Variants in SCFD2 observed in about 807,000 individuals in gnomAD.
The protein encoded by SCFD2 is sec1 family domain containing 2.
Under a neutral mutation model 58.9 loss-of-function variants are expected in SCFD2, and 54 were observed. The observed-to-expected ratio is 0.92, with a 90% CI of 0.74 to 1.15. The LOEUF is 1.15. SCFD2 is among the 50% of genes most tolerant of loss of function. The pLI is 0.00. For synonymous variants in SCFD2, 321 were observed against 335.9 expected (o/e 0.96, Z 0.49); for missense variants, 805 against 836.6 (o/e 0.96, Z 0.47).
intron 5 of SCFD2, among the ~76,000 whole-genome samples, chr4:53,070,571 A>T (rs189605372): frequency 4.6e-5 from 7 of 152,196 alleles, no homozygotes; most frequent in African/African-American, 1.7e-4. Context: ...TATGATGTGT[A>T]AAGTGATTGA....
chr4:53,323,571 T>G (rs1733090489), intron 2 of SCFD2, among the ~76,000 whole-genome samples: 2 of 139,026 alleles, frequency 1.4e-5, no homozygotes, highest in East Asian at 4.5e-4. Context: ...TTTGCGGAGA[T>G]GAATTTTCAC....
chr4:52,901,915 A>C (rs1342156371), intron 7 of SCFD2, among the ~76,000 whole-genome samples: 1 of 152,206 alleles, frequency 6.6e-6, no homozygotes, highest in Non-Finnish European at 1.5e-5. Context: ...TCTTACATAC[A>C]CAGGTATTTT....
chr4:53,126,981 G>C (rs1161444077), intron 5 of SCFD2, among the ~76,000 whole-genome samples: 2 of 152,080 alleles, frequency 1.3e-5, no homozygotes, highest in Non-Finnish European at 2.9e-5. Flanking sequence ...CGGAAAACAA[G>C]ATGTGGGGAC....
At chr4:53,266,974 G>C (rs1303116508) in intron 4 of SCFD2, among the ~76,000 whole-genome samples, 1 of 152,182 alleles carries the variant, frequency 6.6e-6, no homozygotes, top group Non-Finnish European at 1.5e-5. Context: ...AGGAGTGTAA[G>C]TCCAACACAA....
chr4:53,231,922 G>A (rs1729452541), intron 4 of SCFD2, among the ~76,000 whole-genome samples: 1 of 151,972 alleles, frequency 6.6e-6, no homozygotes, highest in Middle Eastern at 3.2e-3. Context: ...ACACCTTGAT[G>A]TACTCTACAT....
rs564020604 is a variant in SCFD2 at position 52,965,610 on chromosome 4, T to C, written c.1562-44740A>G. ...CAGAGGGTGTGGAGCAGAGCACCCA[T>C]GGAGGCTGTGCGTTGCCCACTTCTG... is the stretch of plus-strand genomic sequence containing the variant. On this transcript the variant is annotated intron_variant, in intron 5 of 8. Transcript: ENST00000401642. Among the ~76,000 whole-genome samples, 130 of 152,352 alleles carry C rather than the reference T, an allele frequency of 8.5e-4. 1 individual carries two copies. The highest frequency in any genetic ancestry group is 3.0e-3 in the African/African-American group (125 of 41,588).
intron 5 of SCFD2, among the ~76,000 whole-genome samples, chr4:52,946,710 G>T (rs796818747): frequency 3.9e-5 from 6 of 152,120 alleles, no homozygotes; most frequent in African/African-American, 1.4e-4. Context: ...AAAGAAATAG[G>T]CTCTCATCTT....
intron 8 of SCFD2, among the ~76,000 whole-genome samples, chr4:52,876,231 T>C (rs542462906): frequency 6.6e-6 from 1 of 152,188 alleles, no homozygotes; most frequent in African/African-American, 2.4e-5. Flanking sequence ...CTTGAGGCAG[T>C]ATGGCAAGGA....
intron 2 of SCFD2, among the ~76,000 whole-genome samples, chr4:53,326,174 G>A (rs987321639): frequency 1.3e-5 from 2 of 151,614 alleles, no homozygotes; most frequent in South Asian, 2.1e-4. Context: ...ACAGGGTCTC[G>A]CTCTGTCACC....
chr4:53,058,270 G>T (rs1236079740), intron 5 of SCFD2, among the ~76,000 whole-genome samples: 1 of 151,734 alleles, frequency 6.6e-6, no homozygotes, highest in Non-Finnish European at 1.5e-5. Context: ...ATGCCTATGA[G>T]TTGGGGAATT....
intron 2 of SCFD2, among the ~76,000 whole-genome samples, chr4:53,315,182 A>T (rs993506279): frequency 1.8e-4 from 27 of 152,118 alleles, no homozygotes; most frequent in South Asian, 1.0e-3. Context: ...AGCAAGTACA[A>T]AGATACATAA....
At chr4:52,952,595 A>T (rs2109531838) in intron 5 of SCFD2, among the ~76,000 whole-genome samples, 1 of 152,316 alleles carries the variant, frequency 6.6e-6, no homozygotes, top group Admixed American at 6.5e-5. Context: ...AGTTAATTTT[A>T]AAATTTTAAT....
intron 2 of SCFD2, among the ~76,000 whole-genome samples, chr4:53,315,529 C>G (rs1191887769): frequency 1.3e-5 from 2 of 152,160 alleles, no homozygotes; most frequent in Non-Finnish European, 2.9e-5. Context: ...TTGAGAAGAA[C>G]AGCATAGCTC....
At chr4:53,163,896 C>G (rs535476241) in intron 4 of SCFD2, among the ~76,000 whole-genome samples, 1 of 152,268 alleles carries the variant, frequency 6.6e-6, no homozygotes, top group East Asian at 1.9e-4. Flanking sequence ...CTGAAGGATA[C>G]TTCATCTTCT....
intron 4 of SCFD2, among the ~76,000 whole-genome samples, chr4:53,174,215 T>A (rs1229176441): frequency 6.6e-6 from 1 of 151,844 alleles, no homozygotes; most frequent in East Asian, 1.9e-4. Flanking sequence ...GTCTAAAACA[T>A]GTTTAATTAG....
At chr4:52,948,944 C>T (rs147359660) in intron 5 of SCFD2, 3 of 159,514 alleles carry the variant, frequency 1.9e-5, no homozygotes, top group Admixed American at 6.3e-5. Context: ...CTTAAGAAGA[C>T]TCCTGCATCA....
At chr4:53,285,031 A>G (rs1731623587) in intron 3 of SCFD2, among the ~76,000 whole-genome samples, 1 of 152,208 alleles carries the variant, frequency 6.6e-6, no homozygotes, top group African/African-American at 2.4e-5. Context: ...ACATGAATCA[A>G]TTCAAATGGG....
At chr4:52,890,186 G>A (rs867531040) in intron 7 of SCFD2, among the ~76,000 whole-genome samples, 1 of 152,172 alleles carries the variant, frequency 6.6e-6, no homozygotes, top group African/African-American at 2.4e-5. Flanking sequence ...GAACTTGAAC[G>A]TGGTGCAATA....
chr4:52,938,469 G>GA (rs1720200235), intron 5 of SCFD2, among the ~76,000 whole-genome samples: 1 of 152,160 alleles, frequency 6.6e-6, no homozygotes, highest in South Asian at 2.1e-4. Context: ...AAATGGCTAG[G>GA]AGAAAGATCA....
Sources: gnomAD v4.1 joint callset for allele counts (sites outside exome capture counted in the v4.1 genomes callset) on GRCh38, gnomAD v4.1.1 for gene constraint, MANE v1.5 for transcripts, NCBI Gene and HGNC (gene_info 2026-07-23, HGNC 2026-07-21) for gene names.